The following DNAJC11 variants were observed in gnomAD, a reference collection of about 807,000 sequenced individuals.
The protein encoded by DNAJC11 is dnaJ homolog subfamily C member 11.
A neutral mutation model predicts 78.6 loss-of-function variants in DNAJC11; 15 were observed. The ratio of observed to expected loss-of-function variants is 0.19; its 90% CI spans 0.13 to 0.29. The LOEUF (loss-of-function observed/expected upper bound fraction) is 0.29, where lower values mean the gene tolerates loss of function less well. DNAJC11 is among the 10% of genes least tolerant of loss of function. DNAJC11 has a pLI of 1.00. For missense variants in DNAJC11, 547 were observed against 709.6 expected (o/e 0.77, Z 2.60); for synonymous variants, 292 against 272.1 (o/e 1.07, Z -0.72).
chr1:6,638,647 G>T (rs1641824311), intron 11 of DNAJC11, among the ~76,000 whole-genome samples: 1 of 152,174 alleles, frequency 6.6e-6, no homozygotes. Context: ...CACCACAGGA[G>T]AATTTCAGGA....
intron 3 of DNAJC11, among the ~76,000 whole-genome samples, chr1:6,673,195 C>CAAAAAAAAA (rs70981399): frequency 2.5e-5 from 1 of 39,302 alleles, no homozygotes; most frequent in East Asian, 9.1e-4. Flanking sequence ...AACTCCATCT[C>CAAAAAAAAA]AAAAAAAAAA....
rs368912430 is a variant in DNAJC11, at chr1:6,639,890, G to A, written c.1253+12C>T. ...GGCTGGCTAGTGACATGCCCATGAC[G>A]TGTCAACTCACTTCTCTTTCTGAGC... On this transcript the variant is annotated intron_variant, in intron 11 of 15. Transcript: ENST00000377577. 2.2e-5 allele frequency: 36 copies of A among 1,611,880 alleles called. No individual in the cohort carries two copies. The African/African-American group carries it at 3.3e-4, about 15-fold the overall frequency.
chr1:6,642,433 C>T (rs529429286), intron 10 of DNAJC11, among the ~76,000 whole-genome samples: 1 of 152,178 alleles, frequency 6.6e-6, no homozygotes, highest in African/African-American at 2.4e-5. Context: ...AGTACATGTT[C>T]AGGAGATGAT....
chr1:6,680,775 G>T lies in DNAJC11; in HGVS notation c.202+133C>A. The stretch of plus-strand genomic sequence containing the variant: ...TATTCTTTCAAAGGACCCTGTCAGT[G>T]AAAAGTACTAAACTAACCACCTGTT... On this transcript the variant is annotated intron_variant, in intron 2 of 15. Coordinates refer to ENST00000377577, the MANE Select transcript of DNAJC11 (RefSeq NM_018198.4). This position sits in a 1 kb window ranked among gnomAD's most constrained non-coding sequence, Gnocchi z 4.0. 1 of 1,084,938 alleles carries T rather than the reference G, an allele frequency of 9.2e-7. No homozygotes were observed. 67.2% of individuals were successfully genotyped at this position (1,084,938 alleles called of 1,614,324 possible).
chr1:6,701,267 AG>A (rs1294843709), intron 1 of DNAJC11, among the ~76,000 whole-genome samples: 1 of 152,130 alleles, frequency 6.6e-6, no homozygotes, highest in Non-Finnish European at 1.5e-5. Context: ...AACCGGAAAA[AG>A]CCCTAAGGAC....
At chr1:6,648,483 G>A (rs1202360001) in intron 7 of DNAJC11, among the ~76,000 whole-genome samples, 1 of 151,860 alleles carries the variant, frequency 6.6e-6, no homozygotes, top group Non-Finnish European at 1.5e-5. Context: ...TTGAGAGAGG[G>A]TCTTGCTCTG....
intron 12 of DNAJC11, 123 bp from the exon 13 acceptor site, chr1:6,637,627 GGAGTGGGCACCCTGACAGCTCTGCTACCC>G: frequency 9.0e-7 from 1 of 1,105,048 alleles, no homozygotes; most frequent in Non-Finnish European, 1.3e-6. Flanking sequence ...GGAAAGGAAG[GGAGTGGGCACCCTGACAGCTCTGCTACCC>G]GAGTGGCTCA....
chr1:6,683,076 C>A (rs536980885), intron 1 of DNAJC11, among the ~76,000 whole-genome samples: 1 of 152,284 alleles, frequency 6.6e-6, no homozygotes, highest in South Asian at 2.1e-4. Context: ...GGTCAAGGAT[C>A]TTGCTGAATG....
intron 10 of DNAJC11, among the ~76,000 whole-genome samples, chr1:6,641,388 A>ATATATAT (rs56162109): frequency 7.0e-5 from 8 of 114,356 alleles, no homozygotes; most frequent in African/African-American, 2.5e-4. Context: ...AAAAAAAAAA[A>ATATATAT]AAATATATAT....
At chr1:6,673,094 G>A (rs1009258878) in intron 3 of DNAJC11, among the ~76,000 whole-genome samples, 3 of 149,474 alleles carry the variant, frequency 2.0e-5, no homozygotes, top group Non-Finnish European at 3.0e-5. Context: ...TACTCGGGAG[G>A]CTGAGGCAGG....
chr1:6,658,309 C>T (rs574779253), intron 4 of DNAJC11, among the ~76,000 whole-genome samples: 190 of 152,208 alleles, frequency 1.2e-3, no homozygotes, highest in African/African-American at 4.4e-3. Context: ...TCAAAGGAAA[C>T]GAATGAGACA....
intron 1 of DNAJC11, among the ~76,000 whole-genome samples, chr1:6,684,838 A>C (rs1642612613): frequency 6.6e-6 from 1 of 152,206 alleles, no homozygotes; most frequent in East Asian, 1.9e-4. Flanking sequence ...TTAAGTCTAT[A>C]ATCTTTCATC....
rs576228238 is a variant in DNAJC11, at chr1:6,645,475, G to C, written c.894+314C>G. 8.5e-5 allele frequency among the ~76,000 whole-genome samples: 13 copies of C among 152,334 alleles called. No homozygotes were observed. The highest frequency in any genetic ancestry group is 3.1e-4 in the African/African-American group (13 of 41,586). ...TGGTGTGGCCACAGGGGCGTCCGAG[G>C]GCATGATTCTGCTATGGGGCTTCAT... On this transcript the variant is annotated intron_variant, in intron 8 of 15. Transcript: ENST00000377577. The surrounding 1 kb of genome is among the most constrained non-coding windows in gnomAD (Gnocchi z 4.1).
At chr1:6,639,213 AGTT>A (rs34210163) in intron 11 of DNAJC11, among the ~76,000 whole-genome samples, 48,060 of 151,880 alleles carry the variant, frequency 0.32, 7,775 homozygotes, top group Middle Eastern at 0.38. Flanking sequence ...TCAAGACTCT[AGTT>A]AACGCAGGCC....
At position 6,638,893 on chromosome 1, in the gene DNAJC11, T is replaced by C. The variant is rs149043569; in HGVS notation, c.1254-529A>G. Among the ~76,000 whole-genome samples, 1,004 of 152,290 alleles carry C rather than the reference T, an allele frequency of 6.6e-3. 6 individuals are homozygous for C. The highest frequency in any genetic ancestry group is 0.011 in the Non-Finnish European group (728 of 68,026). On this transcript the variant is annotated intron_variant, in intron 11 of 15. Coordinates refer to ENST00000377577, the MANE Select transcript of DNAJC11 (RefSeq NM_018198.4). ...GCTTTCCTGTAACAAAGTATGGGCC[T>C]TGGGGTCAGCATATGCCTGTCCTCC...
At chr1:6,689,271 G>A (rs916073173) in intron 1 of DNAJC11, among the ~76,000 whole-genome samples, 3 of 152,194 alleles carry the variant, frequency 2.0e-5, no homozygotes, top group Non-Finnish European at 4.4e-5. Context: ...CCAGCAGCCT[G>A]GAAGCTGAAA....
Position 6,645,506 on chromosome 1 carries a change from C to T in DNAJC11, c.894+283G>A, listed in dbSNP as rs558689164. 1.3e-5 allele frequency among the ~76,000 whole-genome samples: 2 copies of T among 152,154 alleles called. No individual in the cohort carries two copies. Among genetic ancestry groups the T allele is most frequent in the Non-Finnish European group, 2.9e-5 (2 of 68,012 alleles). ...ATTCTGCTATGGGGCTTCATCTGCC[C>T]GCCCCCAATTCCGTGGGTGGCTCCC... is the stretch of plus-strand genomic sequence containing the variant. On this transcript the variant is annotated intron_variant, in intron 8 of 15. Coordinates refer to ENST00000377577, the MANE Select transcript of DNAJC11 (RefSeq NM_018198.4). The surrounding 1 kb of genome is among the most constrained non-coding windows in gnomAD (Gnocchi z 4.1).
At chr1:6,683,454 A>AACAC (rs1176199627) in intron 1 of DNAJC11, among the ~76,000 whole-genome samples, 1 of 152,210 alleles carries the variant, frequency 6.6e-6, no homozygotes, top group Non-Finnish European at 1.5e-5. Flanking sequence ...CACAGTGCCC[A>AACAC]ACACACAGCA....
chr1:6,651,059 G>T (rs767332706), intron 7 of DNAJC11: 1 of 533,960 alleles, frequency 1.9e-6, no homozygotes, highest in Non-Finnish European at 3.8e-6. Context: ...AGAAGGGACA[G>T]GGATATACAG....
Sources: allele counts gnomAD v4.1 joint callset (sites outside exome capture counted in the v4.1 genomes callset), GRCh38; gene constraint gnomAD v4.1.1; non-coding constraint Gnocchi (gnomAD v3.1); transcripts MANE v1.5; gene names NCBI Gene and HGNC (gene_info 2026-07-23, HGNC 2026-07-21).